Variants in NUBPL observed in about 807,000 individuals in gnomAD.
The protein encoded by NUBPL is NUBP iron-sulfur cluster assembly factor, mitochondrial, also known as iron-sulfur cluster transfer protein NUBPL.
A neutral mutation model predicts 45.7 loss-of-function variants in NUBPL; 31 were observed. The ratio of observed to expected loss-of-function variants is 0.68; its 90% CI spans 0.51 to 0.92. The LOEUF (loss-of-function observed/expected upper bound fraction) is 0.92, where lower values mean the gene tolerates loss of function less well. NUBPL is among the 40% of genes least tolerant of loss of function. The pLI is 0.00. For synonymous variants in NUBPL, 144 were observed against 140.9 expected (o/e 1.02, Z -0.15); for missense variants, 401 against 398.7 (o/e 1.01, Z -0.05).
chr14:31,611,497 C>G (rs117902230), intron 4 of NUBPL, among the ~76,000 whole-genome samples: 2,916 of 152,258 alleles, frequency 0.019, 42 homozygotes, highest in Non-Finnish European at 0.03. Context: ...CCCTACTATT[C>G]AAAGCAATCT....
chr14:31,832,767 G>C (rs1052808333), intron 8 of NUBPL, among the ~76,000 whole-genome samples: 8 of 152,184 alleles, frequency 5.3e-5, no homozygotes, highest in African/African-American at 1.9e-4. Flanking sequence ...TGAGGAGTTT[G>C]AATTGTAGAT....
chr14:31,568,101 A>G (rs1282741850), intron 3 of NUBPL, among the ~76,000 whole-genome samples: 1 of 152,238 alleles, frequency 6.6e-6, no homozygotes, highest in African/African-American at 2.4e-5. Flanking sequence ...AGAGCCAGTA[A>G]TATGGTTTTT....
chr14:31,844,903 A>G (rs2040428964), intron 8 of NUBPL: 1 of 152,234 alleles, frequency 6.6e-6, no homozygotes, highest in African/African-American at 2.4e-5. Flanking sequence ...TAAAAGGAAC[A>G]TGAGTAAGGA....
chr14:31,780,152 C>T (rs1474956500), intron 6 of NUBPL, among the ~76,000 whole-genome samples: 2 of 151,870 alleles, frequency 1.3e-5, no homozygotes, highest in African/African-American at 4.8e-5. Flanking sequence ...AGCCTCTGCC[C>T]CCCAGGTTTA....
chr14:31,699,244 A>T (rs1247525750), intron 6 of NUBPL, among the ~76,000 whole-genome samples: 2 of 152,222 alleles, frequency 1.3e-5, no homozygotes, highest in African/African-American at 4.8e-5. Context: ...TTTTATAGTT[A>T]GTTTATTTTG....
At chr14:31,625,139 A>G (rs2035169935) in intron 4 of NUBPL, among the ~76,000 whole-genome samples, 1 of 152,238 alleles carries the variant, frequency 6.6e-6, no homozygotes, top group African/African-American at 2.4e-5. Context: ...AGAGGTGATC[A>G]GAGAAGTAGA....
At chr14:31,833,525 T>C (rs1444901526) in intron 8 of NUBPL, among the ~76,000 whole-genome samples, 1 of 152,256 alleles carries the variant, frequency 6.6e-6, no homozygotes, top group Non-Finnish European at 1.5e-5. Context: ...ATTTGAAATT[T>C]ACATCATTTA....
chr14:31,741,813 T>G (rs1464930652), intron 6 of NUBPL, among the ~76,000 whole-genome samples: 1 of 145,238 alleles, frequency 6.9e-6, no homozygotes, highest in East Asian at 1.9e-4. Context: ...GTCTAATTTT[T>G]GGGGCACTGG....
chr14:31,746,442 A>G (rs1369948760), intron 6 of NUBPL, among the ~76,000 whole-genome samples: 1 of 152,044 alleles, frequency 6.6e-6, no homozygotes, highest in South Asian at 2.1e-4. Context: ...ATTTGTTGAG[A>G]TGATCATATA....
chr14:31,797,976 T>A (rs959538433), intron 7 of NUBPL, among the ~76,000 whole-genome samples: 6 of 146,762 alleles, frequency 4.1e-5, no homozygotes, highest in Admixed American at 1.4e-4. Flanking sequence ...AAGTATTTTA[T>A]TTCTCCTTCA....
At chr14:31,595,946 G>A (rs1395389315) in intron 3 of NUBPL, among the ~76,000 whole-genome samples, 2 of 144,908 alleles carry the variant, frequency 1.4e-5, no homozygotes, top group South Asian at 4.3e-4. Context: ...TCACTCTGTT[G>A]CCCAGGCTGG....
At chr14:31,760,144 TGAGAGA>T (rs1555335613) in intron 6 of NUBPL, among the ~76,000 whole-genome samples, 1 of 34,832 alleles carries the variant, frequency 2.9e-5, no homozygotes, top group Admixed American at 3.7e-4. Context: ...TGTGTGTGTG[TGAGAGA>T]GAGAGAGAGA....
intron 4 of NUBPL, among the ~76,000 whole-genome samples, chr14:31,633,401 T>G (rs558590128): frequency 6.6e-6 from 1 of 152,338 alleles, no homozygotes. Context: ...GAGTAGAAAT[T>G]AGTCGTAGTT....
At chr14:31,834,649 C>G (rs1047280182) in intron 8 of NUBPL, among the ~76,000 whole-genome samples, 2 of 152,188 alleles carry the variant, frequency 1.3e-5, no homozygotes, top group African/African-American at 4.8e-5. Flanking sequence ...TCCCCAGGCT[C>G]TCTCAGAAGT....
intron 8 of NUBPL, among the ~76,000 whole-genome samples, chr14:31,837,729 G>A (rs2040304673): frequency 6.6e-6 from 1 of 152,076 alleles, no homozygotes; most frequent in Admixed American, 6.6e-5. Flanking sequence ...TGAAAAAATA[G>A]GCAAGAGACC....
chr14:31,636,657 A>G (rs1423586875), intron 4 of NUBPL, among the ~76,000 whole-genome samples: 1 of 152,154 alleles, frequency 6.6e-6, no homozygotes, highest in Non-Finnish European at 1.5e-5. Context: ...ATAGTTTCAG[A>G]AGGAATGGTA....
intron 6 of NUBPL, among the ~76,000 whole-genome samples, chr14:31,692,346 T>G (rs559211963): frequency 1.3e-5 from 2 of 152,342 alleles, no homozygotes; most frequent in East Asian, 3.9e-4. Context: ...AAGTCTTTTC[T>G]TAGAATCTTT....
rs569141248 is a variant in NUBPL, at chr14:31,859,368, T to C, written c.*188T>C. 563 of 611,892 alleles carry C rather than the reference T, an allele frequency of 9.2e-4. No individual in the cohort carries two copies. Among genetic ancestry groups the C allele is most frequent in the Non-Finnish European group, 1.5e-3 (511 of 339,840 alleles). The allele number at this position is 611,892 out of a possible 1,614,324, so 37.9% of individuals were successfully genotyped here. A position where few individuals can be genotyped will look rare whatever the true frequency, so the allele number is the denominator to read the frequency against. On this transcript the variant is annotated 3_prime_UTR_variant, in exon 11 of 11. Coordinates refer to ENST00000281081, the MANE Select transcript of NUBPL (RefSeq NM_025152.3). ...ACTTTGATGTATCAATGTTAACTGC[T>C]ATATTTAGGAATTTTTTGAAAGCTG...
chr14:31,753,625 A>C lies in NUBPL; in HGVS notation c.514-34155A>C, dbSNP rs116256420. 6.5e-3 allele frequency among the ~76,000 whole-genome samples: 992 copies of C among 152,244 alleles called. 11 individuals are homozygous for C. Among genetic ancestry groups the C allele is most frequent in the African/African-American group, 0.022 (929 of 41,534 alleles). On this transcript the variant is annotated intron_variant, in intron 6 of 10. Transcript: ENST00000281081. ...TCTAGAAGTGGCACTATTCCCAAAA[A>C]GGTGCTGTGCTAGTACACCTTGGGT...
Sources: allele counts gnomAD v4.1 joint callset (sites outside exome capture counted in the v4.1 genomes callset), GRCh38; gene constraint gnomAD v4.1.1; transcripts MANE v1.5; gene names NCBI Gene and HGNC (gene_info 2026-07-23, HGNC 2026-07-21).